The following MAD1L1 variants were observed in gnomAD, a reference collection of about 807,000 sequenced individuals.
MAD1L1 encodes mitotic spindle assembly checkpoint protein MAD1.
In MAD1L1, 95 loss-of-function variants were observed where a neutral mutation model predicts 96.9. The ratio of observed to expected loss-of-function variants is 0.98; its 90% confidence interval spans 0.83 to 1.16. The LOEUF is 1.16. MAD1L1 is among the 50% of genes most tolerant of loss of function. MAD1L1 has a pLI of 0.00. For missense variants in MAD1L1, 1,007 were observed against 954.4 expected (o/e 1.06, Z -0.73); for synonymous variants, 473 against 396.6 (o/e 1.19, Z -2.29).
At chr7:2,030,272 G>T (rs1052568007) in intron 12 of MAD1L1, among the ~76,000 whole-genome samples, 1 of 152,180 alleles carries the variant, frequency 6.6e-6, no homozygotes, top group Non-Finnish European at 1.5e-5. Flanking sequence ...CCGGGGTGGA[G>T]GTCACAAAGT....
intron 18 of MAD1L1, among the ~76,000 whole-genome samples, chr7:1,843,850 T>C (rs10807752): frequency 0.57 from 86,663 of 151,712 alleles, 25,079 homozygotes; most frequent in South Asian, 0.77. Context: ...GAGCTCCGAA[T>C]GATTTTAGTG....
chr7:2,116,571 G>C (rs988636300), intron 11 of MAD1L1, among the ~76,000 whole-genome samples: 2 of 150,756 alleles, frequency 1.3e-5, no homozygotes, highest in African/African-American at 2.5e-5. Flanking sequence ...GAGGGTTGGG[G>C]GGGGGGGGGG....
chr7:2,053,574 G>A (rs555378946), intron 12 of MAD1L1, among the ~76,000 whole-genome samples: 3 of 152,374 alleles, frequency 2.0e-5, no homozygotes, highest in Admixed American at 6.5e-5. Context: ...CGGCAGGAAA[G>A]CAACGGGGAA....
At chr7:2,113,187 G>A (rs543386494) in intron 11 of MAD1L1, among the ~76,000 whole-genome samples, 6 of 152,036 alleles carry the variant, frequency 3.9e-5, no homozygotes, top group Non-Finnish European at 2.9e-5. Flanking sequence ...CAGGAAACAC[G>A]GAAGAGACGG....
At chr7:2,117,382 G>A (rs548062409) in intron 11 of MAD1L1, among the ~76,000 whole-genome samples, 29 of 152,338 alleles carry the variant, frequency 1.9e-4, no homozygotes, top group African/African-American at 6.3e-4. Flanking sequence ...CCACATGGTC[G>A]TGGTCTCTAC....
chr7:1,883,753 C>T (rs1200009355), intron 18 of MAD1L1, among the ~76,000 whole-genome samples: 3 of 152,204 alleles, frequency 2.0e-5, no homozygotes, highest in African/African-American at 7.2e-5. Context: ...AGTCTGTGTG[C>T]CCCAGGCCGT....
chr7:2,161,010 T>G (rs909785170), intron 10 of MAD1L1, among the ~76,000 whole-genome samples: 1 of 152,062 alleles, frequency 6.6e-6, no homozygotes, highest in African/African-American at 2.4e-5. Flanking sequence ...GACGCTCAGC[T>G]ATGCATAACA....
At chr7:2,021,022 G>A (rs148153119) in intron 12 of MAD1L1, among the ~76,000 whole-genome samples, 1,966 of 152,196 alleles carry the variant, frequency 0.013, 33 homozygotes, top group African/African-American at 0.044. Context: ...GAAACTTCCC[G>A]TACTAAAATG....
intron 18 of MAD1L1, among the ~76,000 whole-genome samples, chr7:1,865,778 G>A (rs1407477948): frequency 6.6e-6 from 1 of 152,250 alleles, no homozygotes; most frequent in Non-Finnish European, 1.5e-5. Flanking sequence ...GAGAGCGGCT[G>A]CTACGGGATC....
At chr7:2,190,536 C>T (rs1482816438) in intron 10 of MAD1L1, among the ~76,000 whole-genome samples, 8 of 152,128 alleles carry the variant, frequency 5.3e-5, no homozygotes, top group South Asian at 2.1e-4. Context: ...AGCCACGTAC[C>T]GGGAGAAAAT....
At chr7:2,012,344 A>T (rs979047483) in intron 13 of MAD1L1, among the ~76,000 whole-genome samples, 1 of 152,216 alleles carries the variant, frequency 6.6e-6, no homozygotes, top group African/African-American at 2.4e-5. Flanking sequence ...GAAATCGCTC[A>T]ACGTGGAAAA....
At chr7:2,187,063 G>C (rs1312992754) in intron 10 of MAD1L1, among the ~76,000 whole-genome samples, 2 of 152,106 alleles carry the variant, frequency 1.3e-5, no homozygotes, top group African/African-American at 2.4e-5. Context: ...AAAGTGCTGG[G>C]ACTACAGGCG....
At chr7:2,096,841 G>T (rs974141534) in intron 11 of MAD1L1, among the ~76,000 whole-genome samples, 5 of 152,122 alleles carry the variant, frequency 3.3e-5, no homozygotes, top group Non-Finnish European at 1.5e-5. Context: ...GGTACAGCCC[G>T]ACAGCAGAGG....
At chr7:2,210,356 C>T (rs1051349152) in intron 10 of MAD1L1, among the ~76,000 whole-genome samples, 1 of 152,224 alleles carries the variant, frequency 6.6e-6, no homozygotes, top group Non-Finnish European at 1.5e-5. Context: ...CAGGTGTGAG[C>T]CACTGTGCGC....
At chr7:2,026,622 T>C (rs1170696169) in intron 12 of MAD1L1, among the ~76,000 whole-genome samples, 2 of 152,160 alleles carry the variant, frequency 1.3e-5, no homozygotes, top group Non-Finnish European at 2.9e-5. Flanking sequence ...GAGATAATGC[T>C]AGAAATCAAT....
intron 17 of MAD1L1, among the ~76,000 whole-genome samples, chr7:1,912,183 C>T (rs1788059114): frequency 6.6e-6 from 1 of 152,188 alleles, no homozygotes; most frequent in South Asian, 2.1e-4. Context: ...GGGTACAGAC[C>T]CCAGAACCAG....
At chr7:2,094,140 G>A (rs1786354617) in intron 11 of MAD1L1, among the ~76,000 whole-genome samples, 1 of 152,232 alleles carries the variant, frequency 6.6e-6, no homozygotes, top group South Asian at 2.1e-4. Context: ...CCCTTGCTGA[G>A]CTGCTGGGAA....
chr7:1,913,445 G>GGAGCGAAGGGAGTGT (rs1328226981), intron 17 of MAD1L1, among the ~76,000 whole-genome samples: 4 of 152,108 alleles, frequency 2.6e-5, no homozygotes, highest in African/African-American at 7.2e-5. Context: ...CCTGGAGAAG[G>GGAGCGAAGGGAGTGT]GAACCGTCGG....
chr7:2,130,425 G>A (rs1381844089), intron 11 of MAD1L1, among the ~76,000 whole-genome samples: 1 of 152,172 alleles, frequency 6.6e-6, no homozygotes, highest in African/African-American at 2.4e-5. Context: ...TTTGGAATAA[G>A]GAAGCAATTG....
Sources: gnomAD v4.1 joint callset for allele counts (sites outside exome capture counted in the v4.1 genomes callset) on GRCh38, gnomAD v4.1.1 for gene constraint, MANE v1.5 for transcripts, NCBI Gene and HGNC (gene_info 2026-07-23, HGNC 2026-07-21) for gene names.